COMMD1: variants seen among roughly 807,000 people sequenced by gnomAD.
COMMD1 encodes copper metabolism domain containing 1, also known as COMM domain-containing protein 1.
A neutral mutation model predicts 17.2 loss-of-function variants in COMMD1; 10 were observed. That is an observed-to-expected ratio of 0.58 (90% CI 0.36 to 0.99). The LOEUF is 0.99. Ranked by LOEUF, COMMD1 falls within the 50% of genes least tolerant of loss-of-function variation. The pLI, the probability that COMMD1 is intolerant of heterozygous loss-of-function variation, is 0.01. For missense variants in COMMD1, 270 were observed against 231.8 expected, an observed-to-expected ratio of 1.17 and a Z score of -1.07; for synonymous variants, 97 against 91.6, an observed-to-expected ratio of 1.06 and a Z score of -0.34.
chr2:62,095,721 C>T (rs1671982093), intron 2 of COMMD1, among the ~76,000 whole-genome samples: 1 of 145,984 alleles, frequency 6.9e-6, no homozygotes, highest in Non-Finnish European at 1.5e-5. Flanking sequence ...TGGATTCAGC[C>T]TCAAAAGGAT....
At chr2:62,005,804 A>C (rs1189119194) in intron 2 of COMMD1, among the ~76,000 whole-genome samples, 2 of 151,640 alleles carry the variant, frequency 1.3e-5, no homozygotes, top group South Asian at 2.1e-4. Flanking sequence ...TCAGGGATCT[A>C]GAACTAGAAA....
chr2:62,045,747 T>A (rs2103906668), intron 2 of COMMD1, among the ~76,000 whole-genome samples: 1 of 140,570 alleles, frequency 7.1e-6, no homozygotes, highest in Admixed American at 7.0e-5. Flanking sequence ...TTTTTTTTTT[T>A]TTTTTTTTGA....
chr2:61,902,539 G>A (rs1669679604), upstream of COMMD1, among the ~76,000 whole-genome samples: 3 of 151,574 alleles, frequency 2.0e-5, no homozygotes, highest in South Asian at 6.2e-4. Context: ...TCACTGAAGT[G>A]ACAGAAACCC....
Position 61,905,983 on chromosome 2 carries a change from T to C in COMMD1, c.180+125T>C, listed in dbSNP as rs922199395. On this transcript the variant is annotated intron_variant, in intron 1 of 2. Transcript: ENST00000311832. ...AGGCTTTTCCCTCTCAGACCTCCAC[T>C]CCGTGGGCTCCACATCGGGCTCCTT... The C allele has an allele frequency of 1.4e-5, 12 of 883,588 alleles. No homozygotes were observed. The Admixed American group carries it at 2.2e-4, about 16-fold the overall frequency. 54.7% of individuals were successfully genotyped at this position (883,588 alleles called of 1,614,324 possible).
intron 1 of COMMD1, among the ~76,000 whole-genome samples, chr2:61,994,370 T>C (rs539119745): frequency 2.9e-4 from 44 of 152,348 alleles, no homozygotes; most frequent in Admixed American, 9.1e-4. Flanking sequence ...GTTTATTGAA[T>C]TGTAATGTGA....
At chr2:61,899,947 C>G (rs1669624618) in intron 1 of COMMD1, among the ~76,000 whole-genome samples, 1 of 152,226 alleles carries the variant, frequency 6.6e-6, no homozygotes, top group Non-Finnish European at 1.5e-5. Context: ...GCTGGGATCA[C>G]AGGTGTGAGC....
rs115889582 is a variant in COMMD1 at position 62,072,449 on chromosome 2, A to G, written c.463-63382A>G. Among the ~76,000 whole-genome samples, 380 of 152,296 alleles carry G rather than the reference A, an allele frequency of 2.5e-3. 1 individual carries two copies. The Middle Eastern group carries it at 0.041, about 16-fold the overall frequency. ...CTTCAGGTAGGGGTTACCCACTTAA[A>G]GTCCCTCTCTGCTGAGAGCTGTTCT... On this transcript the variant is annotated intron_variant, in intron 2 of 2. Coordinates refer to ENST00000311832, the MANE Select transcript of COMMD1 (RefSeq NM_152516.4).
chr2:61,993,998 T>G (rs984815481), intron 1 of COMMD1, among the ~76,000 whole-genome samples: 1 of 152,142 alleles, frequency 6.6e-6, no homozygotes, highest in African/African-American at 2.4e-5. Context: ...CCTTCTTTCT[T>G]TCTTTCTTGG....
intron 1 of COMMD1, among the ~76,000 whole-genome samples, chr2:61,963,495 C>T (rs1671423259): frequency 6.6e-6 from 1 of 152,102 alleles, no homozygotes; most frequent in South Asian, 2.1e-4. Flanking sequence ...TGGTGCACAC[C>T]ACCATGCTCG....
chr2:61,993,356 G>C (rs1374991788), intron 1 of COMMD1, among the ~76,000 whole-genome samples: 1 of 152,052 alleles, frequency 6.6e-6, no homozygotes, highest in African/African-American at 2.4e-5. Context: ...TTTTCTTTTC[G>C]AACTCATTTT....
chr2:61,922,680 A>G (rs534969869), intron 1 of COMMD1, among the ~76,000 whole-genome samples: 1 of 152,296 alleles, frequency 6.6e-6, no homozygotes, highest in East Asian at 1.9e-4. Flanking sequence ...ATGTAACTTT[A>G]TGCAACTTGA....
chr2:62,023,237 A>AG (rs1669660346), intron 2 of COMMD1, among the ~76,000 whole-genome samples: 1 of 152,164 alleles, frequency 6.6e-6, no homozygotes, highest in East Asian at 1.9e-4. Context: ...AAAAAAAAAA[A>AG]AAAGCATGAG....
chr2:61,915,963 C>T (rs934762595), intron 1 of COMMD1, among the ~76,000 whole-genome samples: 1 of 151,408 alleles, frequency 6.6e-6, no homozygotes, highest in African/African-American at 2.4e-5. Context: ...TGAGCCACTG[C>T]GCCCAGCCTA....
Position 61,923,377 on chromosome 2 carries a change from T to C in COMMD1, c.180+17519T>C, listed in dbSNP as rs531025740. 3.9e-5 allele frequency among the ~76,000 whole-genome samples: 6 copies of C among 152,228 alleles called. No individual in the cohort carries two copies. The South Asian group carries it at 1.2e-3, about 32-fold the overall frequency. On this transcript the variant is annotated intron_variant, in intron 1 of 2. Transcript: ENST00000311832. ...GTATTGTGCTAAGTATTGAGGGGAA[T>C]ATACAGATGAGGAAAACACTGTGTA... is the stretch of plus-strand genomic sequence containing the variant.
chr2:62,081,252 GA>G (rs1181382019), intron 2 of COMMD1, among the ~76,000 whole-genome samples: 1 of 145,928 alleles, frequency 6.9e-6, no homozygotes, highest in Non-Finnish European at 1.5e-5. Flanking sequence ...TCTCAATCTA[GA>G]TTTTTTTTTT....
intron 1 of COMMD1, among the ~76,000 whole-genome samples, chr2:61,956,102 C>A (rs944893693): frequency 6.6e-6 from 1 of 152,056 alleles, no homozygotes; most frequent in South Asian, 2.1e-4. Flanking sequence ...AGGGAAGGCA[C>A]AATTAGGTTG....
chr2:62,001,113 A>T (rs1668928315), intron 2 of COMMD1, 131 bp downstream of exon 2: 3 of 927,188 alleles, frequency 3.2e-6, no homozygotes, highest in South Asian at 3.0e-5. Flanking sequence ...CCTTTTTCAG[A>T]GGTAGAATCA....
intron 2 of COMMD1, among the ~76,000 whole-genome samples, chr2:62,052,883 A>G (rs932568055): frequency 3.9e-5 from 6 of 152,188 alleles, no homozygotes; most frequent in African/African-American, 1.4e-4. Flanking sequence ...AGCCTGGGCA[A>G]CATGACAAAA....
intron 2 of COMMD1, among the ~76,000 whole-genome samples, chr2:62,028,438 A>G (rs886162487): frequency 6.6e-6 from 1 of 152,148 alleles, no homozygotes; most frequent in African/African-American, 2.4e-5. Context: ...AACTGTAACT[A>G]TGTCTTTTGT....
Sources: allele counts gnomAD v4.1 joint callset (sites outside exome capture counted in the v4.1 genomes callset), GRCh38; gene constraint gnomAD v4.1.1; transcripts MANE v1.5; gene names NCBI Gene and HGNC (gene_info 2026-07-23, HGNC 2026-07-21).